The following STPG2 variants were observed in gnomAD, a reference collection of about 807,000 sequenced individuals.
The protein encoded by STPG2 is sperm tail PG-rich repeat containing 2.
In STPG2, 56 loss-of-function variants were observed where a neutral mutation model predicts 54.2. That is an observed-to-expected ratio of 1.03 (90% confidence interval 0.83 to 1.29). STPG2 has a LOEUF of 1.29. STPG2 is among the 50% of genes most tolerant of loss of function. The pLI is 0.00. For synonymous variants in STPG2, 200 were observed against 181.8 expected (o/e 1.10, Z -0.81); for missense variants, 596 against 544.9 (o/e 1.09, Z -0.93).
rs113498381 is a variant in STPG2 at position 97,751,541 on chromosome 4, T to C, written c.1205-38727A>G. 5.7e-3 allele frequency among the ~76,000 whole-genome samples: 866 copies of C among 151,882 alleles called. 5 individuals carry two copies. The highest frequency in any genetic ancestry group is 0.02 in the Middle Eastern group (6 of 294). On this transcript the variant is annotated intron_variant, in intron 9 of 10. Transcript: ENST00000295268. ...GAGATTAAGGTTCAAATTGAACATA[T>C]TTTTACGAGGAAATTTTTATCATAA... is the stretch of plus-strand genomic sequence containing the variant.
chr4:97,711,339 C>T (rs1457906647), intron 10 of STPG2, among the ~76,000 whole-genome samples: 7 of 152,108 alleles, frequency 4.6e-5, no homozygotes, highest in African/African-American at 9.7e-5. Context: ...AGTAAACAAA[C>T]GTCATAAACT....
At chr4:97,541,346 A>G (rs1731700710) in intron 4 of STPG2, among the ~76,000 whole-genome samples, 1 of 152,216 alleles carries the variant, frequency 6.6e-6, no homozygotes, top group Non-Finnish European at 1.5e-5. Context: ...AGAGAGCCAA[A>G]TCATGAGTGA....
At chr4:97,519,700 T>C (rs957875840) in intron 4 of STPG2, among the ~76,000 whole-genome samples, 1 of 151,872 alleles carries the variant, frequency 6.6e-6, no homozygotes, top group African/African-American at 2.4e-5. Flanking sequence ...GGATGTCATT[T>C]AAGCAAATAT....
chr4:97,667,223 A>C (rs907390844), intron 10 of STPG2, among the ~76,000 whole-genome samples: 1 of 152,280 alleles, frequency 6.6e-6, no homozygotes, highest in Non-Finnish European at 1.5e-5. Flanking sequence ...AAGTGAAAGG[A>C]CCACGACAAT....
intron 9 of STPG2, among the ~76,000 whole-genome samples, chr4:97,789,777 C>A (rs972220346): frequency 1.3e-5 from 2 of 152,098 alleles, no homozygotes; most frequent in Non-Finnish European, 1.5e-5. Flanking sequence ...TAAAGACCAT[C>A]GTGGAAAACG....
intron 5 of STPG2, among the ~76,000 whole-genome samples, chr4:98,055,432 A>G (rs1200526366): frequency 6.6e-6 from 1 of 152,176 alleles, no homozygotes; most frequent in Non-Finnish European, 1.5e-5. Flanking sequence ...AGAGAAAGCT[A>G]GGAACCCCAC....
intron 4 of STPG2, among the ~76,000 whole-genome samples, chr4:97,528,778 A>G (rs571054084): frequency 1.3e-5 from 2 of 152,232 alleles, no homozygotes; most frequent in East Asian, 3.9e-4. Flanking sequence ...ATAGCAGTTC[A>G]CTCATGATTT....
chr4:97,542,834 G>T (rs1731748586), intron 4 of STPG2, among the ~76,000 whole-genome samples: 1 of 152,066 alleles, frequency 6.6e-6, no homozygotes, highest in Admixed American at 6.6e-5. Context: ...CATAGATGAA[G>T]CTGGAAACCA....
chr4:97,879,136 ATATCAT>A (rs112803872), intron 8 of STPG2, among the ~76,000 whole-genome samples: 3,462 of 152,324 alleles, frequency 0.023, 79 homozygotes, highest in African/African-American at 0.065. Flanking sequence ...TTCATTGTGC[ATATCAT>A]TATCAGAATT....
intron 10 of STPG2, among the ~76,000 whole-genome samples, chr4:97,632,699 T>C (rs1250064515): frequency 1.3e-5 from 2 of 151,960 alleles, no homozygotes; most frequent in South Asian, 2.1e-4. Context: ...AGAATGACAA[T>C]ATGAGACTGC....
At chr4:98,113,113 C>T (rs1395425009) in intron 3 of STPG2, among the ~76,000 whole-genome samples, 5 of 151,224 alleles carry the variant, frequency 3.3e-5, no homozygotes, top group South Asian at 2.1e-4. Context: ...GAGTATAACA[C>T]GAAGAAAGAC....
chr4:97,688,675 A>T lies in STPG2; in HGVS notation c.1320+24024T>A, dbSNP rs113446387. Among the ~76,000 whole-genome samples the T allele has an allele frequency of 4.9e-3, 753 of 152,306 alleles. 3 individuals are homozygous for T. Among genetic ancestry groups the T allele is most frequent in the Middle Eastern group, 0.02 (6 of 294 alleles). On this transcript the variant is annotated intron_variant, in intron 10 of 10. Coordinates refer to ENST00000295268, the MANE Select transcript of STPG2 (RefSeq NM_174952.3). ...GTCCAATAGGTATCAGATTATGTCA[A>T]AAGTTCAGGTCACATGTTTCTCTGA...
chr4:97,756,046 C>T (rs901497526), intron 9 of STPG2, among the ~76,000 whole-genome samples: 2 of 151,998 alleles, frequency 1.3e-5, no homozygotes, highest in Admixed American at 6.6e-5. Flanking sequence ...TTGTTTCTAA[C>T]TCTCCCCCTC....
intron 4 of STPG2, among the ~76,000 whole-genome samples, chr4:97,467,331 G>C (rs1343214829): frequency 6.6e-6 from 1 of 151,564 alleles, no homozygotes; most frequent in African/African-American, 2.4e-5. Flanking sequence ...TGGGTAAAAA[G>C]CATATAAATT....
intron 8 of STPG2, among the ~76,000 whole-genome samples, chr4:97,924,937 CA>C (rs1391035902): frequency 6.6e-6 from 1 of 152,174 alleles, no homozygotes; most frequent in Non-Finnish European, 1.5e-5. Context: ...ATAGATGCAG[CA>C]GCAGAATTTA....
At chr4:97,952,603 A>C (rs1204690720) in intron 7 of STPG2, among the ~76,000 whole-genome samples, 1 of 152,120 alleles carries the variant, frequency 6.6e-6, no homozygotes, top group Admixed American at 6.5e-5. Flanking sequence ...GAAAGTCTGC[A>C]AGGGATCCAC....
intron 8 of STPG2, among the ~76,000 whole-genome samples, chr4:97,923,208 G>A (rs1186073711): frequency 6.6e-6 from 1 of 152,260 alleles, no homozygotes; most frequent in Non-Finnish European, 1.5e-5. Flanking sequence ...TTTCTGGGAT[G>A]GCCCAGGCCG....
chr4:97,679,353 G>T (rs1452645787), intron 10 of STPG2, among the ~76,000 whole-genome samples: 1 of 152,062 alleles, frequency 6.6e-6, no homozygotes, highest in Non-Finnish European at 1.5e-5. Flanking sequence ...TTGTGGTTTT[G>T]ATTTGCATTT....
At chr4:97,541,547 A>G (rs60567112) in intron 4 of STPG2, among the ~76,000 whole-genome samples, 2,825 of 152,310 alleles carry the variant, frequency 0.019, 82 homozygotes, top group African/African-American at 0.063. Flanking sequence ...CATACTGCCC[A>G]AGGTAATTTA....
Sources: allele counts gnomAD v4.1 joint callset (sites outside exome capture counted in the v4.1 genomes callset), GRCh38; gene constraint gnomAD v4.1.1; transcripts MANE v1.5; gene names NCBI Gene and HGNC (gene_info 2026-07-23, HGNC 2026-07-21).